The following ENG variants were observed in gnomAD, a reference collection of about 807,000 sequenced individuals.
ENG encodes the protein endoglin.
A neutral mutation model predicts 71.0 loss-of-function variants in ENG; 17 were observed. That is an observed-to-expected ratio of 0.24 (90% confidence interval 0.16 to 0.36). The LOEUF (loss-of-function observed/expected upper bound fraction) is 0.36. Ranked by LOEUF, ENG falls within the 10% of genes least tolerant of loss-of-function variation. The pLI is 1.00. For synonymous variants in ENG, 360 were observed against 366.9 expected (o/e 0.98, Z 0.21); for missense variants, 749 against 868.3 (o/e 0.86, Z 1.73).
chr9:127,825,991 G>A, intron 4 of ENG, 131 bp from the exon 5 acceptor site: 2 of 1,255,254 alleles, frequency 1.6e-6, no homozygotes, highest in South Asian at 1.3e-5. Context: ...AGGCGTCAGA[G>A]GACCTAGGTT....
At chr9:127,817,432 C>A in intron 12 of ENG, 1 of 608,074 alleles carries the variant, frequency 1.6e-6, no homozygotes, top group South Asian at 1.8e-5. Flanking sequence ...TTCCTGGAGG[C>A]CTTGATGCCC....
chr9:127,829,170 A>T (rs1830699055), intron 3 of ENG, among the ~76,000 whole-genome samples: 1 of 152,300 alleles, frequency 6.6e-6, no homozygotes. Context: ...TTTTCTCCAA[A>T]ATAGGCCAAA....
Position 127,835,424 on chromosome 9 carries a change from G to A in ENG, c.220-5597C>T, listed in dbSNP as rs1468781067. The stretch of plus-strand genomic sequence containing the variant: ...ATTGCCCTACAGTCCATTGCTGTGC[G>A]GCCCCATCTGCTTGTCCCAACCTGG... On this transcript the variant is annotated intron_variant, in intron 2 of 14. Coordinates refer to ENST00000373203, the MANE Select transcript of ENG (RefSeq NM_001114753.3). Among the ~76,000 whole-genome samples the A allele has an allele frequency of 5.9e-5, 9 of 152,226 alleles. No homozygotes were observed. In the South Asian group the frequency reaches 1.2e-3, roughly 21 times the overall value.
intron 8 of ENG, among the ~76,000 whole-genome samples, chr9:127,821,880 T>A (rs1830475646): frequency 1.9e-5 from 1 of 53,052 alleles, no homozygotes; most frequent in African/African-American, 7.2e-5. Flanking sequence ...GAGACTGTCT[T>A]AAAAAAAAAA....
chr9:127,853,832 G>A (rs1007726825), intron 1 of ENG, among the ~76,000 whole-genome samples: 2 of 152,216 alleles, frequency 1.3e-5, no homozygotes, highest in African/African-American at 2.4e-5. Context: ...TCAGAGGCCC[G>A]AAGGCAGTCC....
rs369681397 is a variant in ENG, at chr9:127,825,211, G to T, written c.816+20C>A. 1 of 1,612,948 alleles carries T rather than the reference G, an allele frequency of 6.2e-7. No homozygotes were observed. Among genetic ancestry groups the T allele is most frequent in the Non-Finnish European group, 8.5e-7 (1 of 1,179,824 alleles). ...GTTGGGAGTTTGGGTTTTGTGTCCC[G>T]GGAGCTGCGCACAACTCACCCAGAT... On this transcript the variant is annotated intron_variant, in intron 6 of 14. Coordinates refer to ENST00000373203, the MANE Select transcript of ENG (RefSeq NM_001114753.3).
At chr9:127,847,715 A>G (rs1407844867) in intron 1 of ENG, among the ~76,000 whole-genome samples, 2 of 151,992 alleles carry the variant, frequency 1.3e-5, no homozygotes, top group Non-Finnish European at 2.9e-5. Flanking sequence ...CTCCCAAGGA[A>G]GATACGTTTC....
In ENG at chr9:127,851,872, G is replaced by C. The variant is rs186189018; in HGVS notation, c.67+2417C>G. Among the ~76,000 whole-genome samples the C allele has an allele frequency of 1.0e-3, 158 of 152,128 alleles. 2 individuals carry two copies. Among genetic ancestry groups the C allele is most frequent in the Non-Finnish European group, 1.6e-4 (11 of 68,000 alleles). On this transcript the variant is annotated intron_variant, in intron 1 of 14. Coordinates refer to ENST00000373203, the MANE Select transcript of ENG (RefSeq NM_001114753.3). ...CAGCCTGGGTGACAAGAGCAAGACTGTCTCAAAAAAATTTAAAAAAGAAAG... is the reference window on the plus strand; with the variant it reads ...CAGCCTGGGTGACAAGAGCAAGACTCTCTCAAAAAAATTTAAAAAAGAAAG...
chr9:127,819,828 G>C (rs1830429649), intron 9 of ENG, 72 bp downstream of exon 9: 1 of 1,612,358 alleles, frequency 6.2e-7, no homozygotes. Context: ...CTCCACCCTG[G>C]GGGATCAGGG....
In ENG at chr9:127,816,013, G is replaced by A. The variant is rs1390519046; in HGVS notation, c.1782C>T (p.Gly594=). 2 of 1,610,824 alleles carry A rather than the reference G, an allele frequency of 1.2e-6. No individual in the cohort carries two copies. The highest frequency in any genetic ancestry group is 2.7e-5 in the African/African-American group (2 of 74,918). The stretch of plus-strand genomic sequence containing the variant: ...CGATGAGGAAGGCACCAAAGGTGAT[G>A]CCCAGCACGGCGGGCAGGACGAGGC... ...SKGLVLPAVL[G]ITFGAFLIGA... Residue 594 remains glycine (G), a synonymous_variant, in exon 14 of 15, where the codon GGC becomes GGT. Coordinates refer to ENST00000373203, the MANE Select transcript of ENG (RefSeq NM_001114753.3).
chr9:127,815,486 G>T lies in ENG; in HGVS notation c.*196C>A. The T allele has an allele frequency of 9.2e-7, 1 of 1,084,776 alleles. No homozygotes were observed. Among genetic ancestry groups the T allele is most frequent in the Non-Finnish European group, 1.3e-6 (1 of 781,718 alleles). The allele number at this position is 1,084,776 out of a possible 1,614,324, so 67.2% of individuals were successfully genotyped here. ...CACTGGGTTGAAGGTTCTGTGGGGT[G>T]GAGGGACCCCAAGGTGTTCCAAGCC... On this transcript the variant is annotated 3_prime_UTR_variant, in exon 15 of 15. Coordinates refer to ENST00000373203, the MANE Select transcript of ENG (RefSeq NM_001114753.3).
At position 127,815,377 on chromosome 9, in the gene ENG, G is replaced by A; in HGVS notation, c.*305C>T. 1 of 428,282 alleles carries A rather than the reference G, an allele frequency of 2.3e-6. No individual in the cohort carries two copies. Among genetic ancestry groups the A allele is most frequent in the South Asian group, 3.4e-5 (1 of 29,836 alleles). The allele number at this position is 428,282 out of a possible 1,614,324, so 26.5% of individuals were successfully genotyped here. A position where few individuals can be genotyped will look rare whatever the true frequency, so the allele number is the denominator to read the frequency against. ...CTGCCCAGCTCAGTTCACCAGTGCT[G>A]GATCCAGGTTCAAATGACAGGGACT... On this transcript the variant is annotated 3_prime_UTR_variant, in exon 15 of 15. Coordinates refer to ENST00000373203, the MANE Select transcript of ENG (RefSeq NM_001114753.3).
At position 127,817,166 on chromosome 9, in the gene ENG, A is replaced by G. The variant is rs1284713532; in HGVS notation, c.1724T>C (p.Ile575Thr). 2 of 1,614,166 alleles carry G rather than the reference A, an allele frequency of 1.2e-6. No homozygotes were observed. Among genetic ancestry groups the G allele is most frequent in the Non-Finnish European group, 1.7e-6 (2 of 1,180,028 alleles). Residue 575 changes from isoleucine (I) to threonine (T), a missense_variant, in exon 13 of 15, where the codon ATC (isoleucine) becomes ACC (threonine). By Grantham distance (89) the Ile-to-Thr change is moderately conservative. Transcript: ENST00000373203. ...GAGCTCACCAGACAGGTCAGGGCTG[A>G]TGATGTTCAAGCGCATGAAGACAGT... ...HRTVFMRLNI[I>T]SPDLSGCTSK...
intron 3 of ENG, chr9:127,826,908 C>G (rs1307904001): frequency 2.0e-5 from 11 of 548,192 alleles, no homozygotes. Context: ...TGTTCATCCA[C>G]CTGTCCAAAC....
chr9:127,815,482 G>A lies in ENG; in HGVS notation c.*200C>T. The A allele has an allele frequency of 9.6e-7, 1 of 1,044,468 alleles. No homozygotes were observed. The highest frequency in any genetic ancestry group is 1.3e-6 in the Non-Finnish European group (1 of 745,348). 64.7% of individuals were successfully genotyped at this position (1,044,468 alleles called of 1,614,324 possible). ...GACCCACTGGGTTGAAGGTTCTGTGGGGTGGAGGGACCCCAAGGTGTTCCA... is the reference window on the plus strand; with the variant it reads ...GACCCACTGGGTTGAAGGTTCTGTGAGGTGGAGGGACCCCAAGGTGTTCCA... On this transcript the variant is annotated 3_prime_UTR_variant, in exon 15 of 15. Transcript: ENST00000373203.
chr9:127,824,910 T>G lies in ENG; in HGVS notation c.881A>C (p.Asp294Ala). The G allele has an allele frequency of 6.2e-7, 1 of 1,614,018 alleles. No homozygotes were observed. Among genetic ancestry groups the G allele is most frequent in the Non-Finnish European group, 8.5e-7 (1 of 1,179,970 alleles). Residue 294 changes from aspartate (D) to alanine (A), a missense_variant, in exon 7 of 15, where the codon GAC (aspartate) becomes GCC (alanine). Asp to Ala is a moderately radical substitution (Grantham distance 126). Transcript: ENST00000373203. ...EKNIRGFKLP[D>A]TPQGLLGEAR... ...CTCCCCCAGGAGGCCTTGAGGTGTG[T>G]CTGGGAGCTTGAAGCCACGAATGTT...
In ENG at chr9:127,840,628, A is replaced by G. The variant is rs188378079; in HGVS notation, c.219+2466T>C. Among the ~76,000 whole-genome samples, 148 of 152,276 alleles carry G rather than the reference A, an allele frequency of 9.7e-4. 3 individuals carry two copies. Among genetic ancestry groups the G allele is most frequent in the Non-Finnish European group, 1.4e-3 (93 of 68,016 alleles). ...TCCTGAGTCCGAGAAAGGTGTGTCT[A>G]CCAGCAAGTGGGGAGAAGGACCACC... is the stretch of plus-strand genomic sequence containing the variant. On this transcript the variant is annotated intron_variant, in intron 2 of 14. Coordinates refer to ENST00000373203, the MANE Select transcript of ENG (RefSeq NM_001114753.3).
At position 127,839,849 on chromosome 9, in the gene ENG, C is replaced by G. The variant is rs1164158207; in HGVS notation, c.219+3245G>C. Among the ~76,000 whole-genome samples the G allele has an allele frequency of 5.3e-5, 8 of 152,244 alleles. No individual in the cohort carries two copies. The South Asian group carries it at 1.7e-3, about 32-fold the overall frequency. ...GGGATTACAGGTGTGAGCCACTGCG[C>G]CTGACCTGCCCCATTGATCTTGTAG... is the stretch of plus-strand genomic sequence containing the variant. On this transcript the variant is annotated intron_variant, in intron 2 of 14. Transcript: ENST00000373203.
At position 127,826,718 on chromosome 9, in the gene ENG, C is replaced by A. The variant is rs377068239; in HGVS notation, c.361-46G>T. ...TCAGCACGCTGTTCCTGGCCCTGTG[C>A]CCTCTCTATCCCATGTAGGAGGTCA... is the stretch of plus-strand genomic sequence containing the variant. On this transcript the variant is annotated intron_variant, in intron 3 of 14. Transcript: ENST00000373203. The A allele has an allele frequency of 9.2e-5, 148 of 1,608,218 alleles. No homozygotes were observed. In the Middle Eastern group the frequency reaches 1.8e-3, roughly 20 times the overall value.
Sources: gnomAD v4.1 joint callset for allele counts (sites outside exome capture counted in the v4.1 genomes callset) on GRCh38, gnomAD v4.1.1 for gene constraint, MANE v1.5 for transcripts, NCBI Gene and HGNC (gene_info 2026-07-23, HGNC 2026-07-21) for gene names.